The following KCNN2 variants were observed in gnomAD, a reference collection of about 807,000 sequenced individuals.
The protein encoded by KCNN2 is potassium calcium-activated channel subfamily N member 2.
KCNN2 carries 24 observed loss-of-function variants against 55.5 expected under a neutral mutation model. The observed-to-expected ratio is 0.43, with a 90% CI of 0.31 to 0.61. The LOEUF (loss-of-function observed/expected upper bound fraction) is 0.61. Among genes scored for constraint, KCNN2 ranks in the 20% least tolerant of loss-of-function variants. KCNN2 has a pLI of 0.08. For missense variants in KCNN2, 754 were observed against 853.6 expected (o/e 0.88, Z 1.45); for synonymous variants, 431 against 336.1 (o/e 1.28, Z -3.09).
intron 1 of KCNN2, among the ~76,000 whole-genome samples, chr5:114,147,222 G>A (rs566240757): frequency 2.1e-4 from 32 of 152,260 alleles, no homozygotes; most frequent in African/African-American, 7.5e-4. Flanking sequence ...TAGAATCCAG[G>A]AAGTGTTTCG....
At chr5:114,221,394 C>G (rs577921841) in intron 1 of KCNN2, among the ~76,000 whole-genome samples, 1 of 152,170 alleles carries the variant, frequency 6.6e-6, no homozygotes, top group Admixed American at 6.5e-5. Context: ...AAAACTCAAC[C>G]TCAGATTATA....
At chr5:114,282,895 TACTTG>T (rs1253337688) in intron 2 of KCNN2, among the ~76,000 whole-genome samples, 1 of 152,230 alleles carries the variant, frequency 6.6e-6, no homozygotes, top group Non-Finnish European at 1.5e-5. Context: ...TAAATGTTTA[TACTTG>T]CTCTGGCTTC....
Position 114,363,036 on chromosome 5 carries a change from A to G in KCNN2, c.897A>G (p.Gly299=). ...NNLALYGTGG[G]GSTGGGGGGG... ...TGGCGCTCTATGGAACCGGCGGCGG[A>G]GGCAGCACTGGAGGAGGCGGCGGCG... The change falls in exon 1 of 8, where the codon GGA becomes GGG. Residue 299 remains glycine, a synonymous_variant. Coordinates refer to ENST00000673685, the MANE Select transcript of KCNN2 (RefSeq NM_021614.4). The G allele has an allele frequency of 6.2e-7, 1 of 1,605,342 alleles. No homozygotes were observed. Among genetic ancestry groups the G allele is most frequent in the Non-Finnish European group, 8.5e-7 (1 of 1,177,810 alleles).
At chr5:114,412,194 A>G (rs192523406) in intron 3 of KCNN2, among the ~76,000 whole-genome samples, 32 of 152,332 alleles carry the variant, frequency 2.1e-4, no homozygotes, top group African/African-American at 7.2e-4. Flanking sequence ...CCACTTGCAT[A>G]TGGAATATGG....
At chr5:114,158,196 G>A (rs569435928) in intron 1 of KCNN2, among the ~76,000 whole-genome samples, 1 of 152,198 alleles carries the variant, frequency 6.6e-6, no homozygotes, top group South Asian at 2.1e-4. Flanking sequence ...TGTAAGGAAG[G>A]GATCCAGTTT....
At chr5:114,296,061 A>G (rs956291204) in intron 2 of KCNN2, among the ~76,000 whole-genome samples, 1 of 152,184 alleles carries the variant, frequency 6.6e-6, no homozygotes, top group Non-Finnish European at 1.5e-5. Context: ...TTACCCACCT[A>G]AGCTCATAGA....
rs181449786 is a variant in KCNN2 at position 114,425,310 on chromosome 5, C to A, written c.1637+20454C>A. On this transcript the variant is annotated intron_variant, in intron 3 of 7. Transcript: ENST00000673685. Reference sequence around the variant, plus strand: ...CTAGGAGCTAATATATCATGCATGTCTGAAGGGTCCCACATTGCTAATTCC... The same window carrying A: ...CTAGGAGCTAATATATCATGCATGTATGAAGGGTCCCACATTGCTAATTCC... Among the ~76,000 whole-genome samples, 80 of 152,314 alleles carry A rather than the reference C, an allele frequency of 5.3e-4. No individual in the cohort carries two copies. In the South Asian group the frequency reaches 9.3e-3, roughly 18 times the overall value.
intron 7 of KCNN2, among the ~76,000 whole-genome samples, chr5:114,494,508 G>C (rs34484477): frequency 1.3e-5 from 2 of 151,476 alleles, no homozygotes; most frequent in Non-Finnish European, 2.9e-5. Flanking sequence ...CTCGATTAAC[G>C]TGTATAAATG....
intron 1 of KCNN2, among the ~76,000 whole-genome samples, chr5:114,095,234 A>G (rs964390935): frequency 2.0e-5 from 3 of 152,148 alleles, no homozygotes; most frequent in African/African-American, 7.2e-5. Context: ...AGAGAGAGGA[A>G]GCAGAATTTG....
At position 114,166,361 on chromosome 5, in the gene KCNN2, T is replaced by C. The variant is rs78901619; in HGVS notation, c.-270-55119T>C. Among the ~76,000 whole-genome samples the C allele has an allele frequency of 1.1e-3, 175 of 152,238 alleles. 2 individuals carry two copies. The East Asian group carries it at 0.031, about 27-fold the overall frequency. Reference sequence around the variant, plus strand: ...AAATGTTTCTACTGTGTAGTAGATATCACCAACCTCAGGCGAGTGTTACAT... The same window carrying C: ...AAATGTTTCTACTGTGTAGTAGATACCACCAACCTCAGGCGAGTGTTACAT... On this transcript the variant is annotated intron_variant, in intron 1 of 10. Transcript: ENST00000512097.
At chr5:114,153,148 A>G (rs4365834) in intron 1 of KCNN2, among the ~76,000 whole-genome samples, 132,553 of 152,202 alleles carry the variant, frequency 0.87, 57,862 homozygotes, top group East Asian at 0.94. Flanking sequence ...ATCCATGTGA[A>G]AGCCAGTGGG....
At chr5:114,196,486 T>C (rs1753560263) in intron 1 of KCNN2, among the ~76,000 whole-genome samples, 1 of 152,104 alleles carries the variant, frequency 6.6e-6, no homozygotes, top group Non-Finnish European at 1.5e-5. Context: ...CAAATGGGCC[T>C]GGACTTTTCT....
intron 2 of KCNN2, among the ~76,000 whole-genome samples, chr5:114,247,686 T>G (rs1257616778): frequency 6.6e-6 from 1 of 152,218 alleles, no homozygotes; most frequent in Non-Finnish European, 1.5e-5. Context: ...ATGGGATTTG[T>G]CAGACTACCT....
intron 6 of KCNN2, among the ~76,000 whole-genome samples, chr5:114,491,655 G>A (rs1397012778): frequency 6.6e-6 from 1 of 151,656 alleles, no homozygotes; most frequent in Non-Finnish European, 1.5e-5. Flanking sequence ...TCCATCTTAA[G>A]TATCACTTAA....
chr5:114,173,970 T>G (rs1052706439), intron 1 of KCNN2, among the ~76,000 whole-genome samples: 2 of 152,082 alleles, frequency 1.3e-5, no homozygotes, highest in Non-Finnish European at 2.9e-5. Flanking sequence ...TTATTTTAAC[T>G]TTTCTGAAAT....
intron 7 of KCNN2, among the ~76,000 whole-genome samples, chr5:114,494,871 C>A (rs1748036935): frequency 6.6e-6 from 1 of 152,082 alleles, no homozygotes; most frequent in African/African-American, 2.4e-5. Context: ...CTTATCAGTT[C>A]ATTTACCATC....
chr5:114,188,667 C>T (rs1753387044), intron 1 of KCNN2, among the ~76,000 whole-genome samples: 2 of 152,022 alleles, frequency 1.3e-5, no homozygotes, highest in South Asian at 2.1e-4. Context: ...AATTCTTATG[C>T]AATAACTAAT....
chr5:114,340,161 T>C (rs1028708789), intron 2 of KCNN2, among the ~76,000 whole-genome samples: 5 of 152,204 alleles, frequency 3.3e-5, no homozygotes, highest in African/African-American at 9.6e-5. Context: ...AAAATTTTAA[T>C]TGAGTCTATC....
chr5:114,270,734 C>T (rs945696477), intron 2 of KCNN2, among the ~76,000 whole-genome samples: 10 of 152,118 alleles, frequency 6.6e-5, no homozygotes, highest in Non-Finnish European at 8.8e-5. Flanking sequence ...TTACTATGTC[C>T]GGAATTGGTT....
Sources: allele counts gnomAD v4.1 joint callset (sites outside exome capture counted in the v4.1 genomes callset), GRCh38; gene constraint gnomAD v4.1.1; transcripts MANE v1.5; gene names NCBI Gene and HGNC (gene_info 2026-07-23, HGNC 2026-07-21).